Variants in KLHL3 observed in about 807,000 individuals in gnomAD.
KLHL3 encodes kelch like family member 3, also known as kelch-like protein 3.
A neutral mutation model predicts 70.5 loss-of-function variants in KLHL3; 19 were observed. That is an observed-to-expected ratio of 0.27 (90% CI 0.19 to 0.40). KLHL3 has a LOEUF of 0.40. Ranked by LOEUF, KLHL3 falls within the 10% of genes least tolerant of loss-of-function variation. The pLI, the probability that KLHL3 is intolerant of heterozygous loss-of-function variation, is 1.00. For synonymous variants in KLHL3, 258 were observed against 290.3 expected (o/e 0.89, Z 1.13); for missense variants, 512 against 771.1 (o/e 0.66, Z 3.98).
intron 8 of KLHL3, among the ~76,000 whole-genome samples, chr5:137,657,703 T>C (rs914853931): frequency 1.3e-5 from 2 of 152,334 alleles, no homozygotes; most frequent in Non-Finnish European, 2.9e-5. Context: ...TTGTCCTTTA[T>C]GTCCTTCCCT....
At chr5:137,733,672 T>G (rs991418430) in intron 1 of KLHL3, among the ~76,000 whole-genome samples, 1 of 152,154 alleles carries the variant, frequency 6.6e-6, no homozygotes, top group Non-Finnish European at 1.5e-5. Context: ...CCTTGATAGA[T>G]AGATAACTTT....
chr5:137,726,360 C>G (rs1038718706), intron 1 of KLHL3, among the ~76,000 whole-genome samples: 3 of 152,148 alleles, frequency 2.0e-5, no homozygotes, highest in Admixed American at 2.0e-4. Flanking sequence ...AGCCTTACCT[C>G]TCTCACTTAC....
At chr5:137,654,209 A>AT (rs1206455538) in intron 8 of KLHL3, among the ~76,000 whole-genome samples, 1 of 152,210 alleles carries the variant, frequency 6.6e-6, no homozygotes, top group African/African-American at 2.4e-5. Context: ...AACTTATCAC[A>AT]TTGTATCTCT....
intron 4 of KLHL3, among the ~76,000 whole-genome samples, chr5:137,694,690 AG>A (rs1752404531): frequency 6.6e-6 from 1 of 152,204 alleles, no homozygotes; most frequent in African/African-American, 2.4e-5. Context: ...TCAAGGCCAT[AG>A]GTTGACCAAT....
intron 3 of KLHL3, chr5:137,706,466 G>C (rs943606713): frequency 3.9e-6 from 3 of 762,322 alleles, no homozygotes; most frequent in Non-Finnish European, 4.8e-6. Flanking sequence ...AGCATAAGCT[G>C]GTACAACTGT....
Position 137,663,229 on chromosome 5 carries a change from G to T in KLHL3, c.637-1198C>A, listed in dbSNP as rs538285046. Among the ~76,000 whole-genome samples the T allele has an allele frequency of 1.6e-3, 239 of 151,864 alleles. 1 individual carries two copies. The highest frequency in any genetic ancestry group is 3.0e-3 in the Non-Finnish European group (203 of 67,924). On this transcript the variant is annotated intron_variant, in intron 6 of 14. Transcript: ENST00000309755. ...ACACCACTACACCCGGCTAATTTTT[G>T]TATTTTTAGTAGAGACGGGGTTTCA...
intron 4 of KLHL3, among the ~76,000 whole-genome samples, chr5:137,694,851 A>G (rs539045878): frequency 6.6e-6 from 1 of 152,148 alleles, no homozygotes; most frequent in Non-Finnish European, 1.5e-5. Flanking sequence ...AGGGAGAGGA[A>G]GCCATCAAAT....
chr5:137,623,728 T>G (rs1750381090), intron 14 of KLHL3, among the ~76,000 whole-genome samples: 1 of 152,230 alleles, frequency 6.6e-6, no homozygotes, highest in Non-Finnish European at 1.5e-5. Flanking sequence ...GCAGGCATTG[T>G]GCTTAGCTCT....
chr5:137,696,201 G>A (rs1752440677), intron 4 of KLHL3, among the ~76,000 whole-genome samples: 1 of 152,244 alleles, frequency 6.6e-6, no homozygotes, highest in East Asian at 1.9e-4. Context: ...GAATTGCAGG[G>A]AGGCAGGGCC....
chr5:137,617,663 G>C lies in KLHL3; in HGVS notation c.*4435C>G, dbSNP rs1470585163. ...ATATACAGTCCCTAACAGCCACGCA[G>C]AGAACACCAGATCGAGGATCTTACC... On this transcript the variant is annotated 3_prime_UTR_variant, in exon 15 of 15. Transcript: ENST00000309755. 6.6e-6 allele frequency: 1 copy of C among 152,208 alleles called. No homozygotes were observed. Among genetic ancestry groups the C allele is most frequent in the Non-Finnish European group, 1.5e-5 (1 of 68,036 alleles). 9.4% of individuals were successfully genotyped at this position (152,208 alleles called of 1,614,324 possible). A position where few individuals can be genotyped will look rare whatever the true frequency, so the allele number is the denominator to read the frequency against.
chr5:137,639,417 G>A lies in KLHL3; in HGVS notation c.1022-267C>T, dbSNP rs944026611. Reference sequence around the variant, plus strand: ...AGAGCCAAAAACTGTGCAAGTGGCCGGGCATGGTAGCTCACGCCTGTAATT... The same window carrying A: ...AGAGCCAAAAACTGTGCAAGTGGCCAGGCATGGTAGCTCACGCCTGTAATT... On this transcript the variant is annotated intron_variant, in intron 9 of 14. Transcript: ENST00000309755. The surrounding 1 kb of genome is among the most constrained non-coding windows in gnomAD (Gnocchi z 5.0). Among the ~76,000 whole-genome samples, 6 of 152,128 alleles carry A rather than the reference G, an allele frequency of 3.9e-5. No homozygotes were observed. Among genetic ancestry groups the A allele is most frequent in the Admixed American group, 1.3e-4 (2 of 15,276 alleles).
chr5:137,638,623 G>C (rs185266237), intron 10 of KLHL3, among the ~76,000 whole-genome samples: 5 of 152,244 alleles, frequency 3.3e-5, no homozygotes, highest in East Asian at 1.9e-4. Context: ...TCTAGCAAAG[G>C]GTTCAAACTG....
intron 3 of KLHL3, among the ~76,000 whole-genome samples, chr5:137,701,822 C>G (rs1752574608): frequency 6.6e-6 from 1 of 152,174 alleles, no homozygotes; most frequent in Non-Finnish European, 1.5e-5. Flanking sequence ...GTGGTCAACC[C>G]AAGTGCTCTC....
intron 1 of KLHL3, among the ~76,000 whole-genome samples, chr5:137,730,133 T>C (rs1036193760): frequency 2.0e-5 from 3 of 152,186 alleles, no homozygotes; most frequent in African/African-American, 7.2e-5. Flanking sequence ...TCTCTTAAGG[T>C]ACAGACATAA....
At chr5:137,633,742 A>G (rs1234325018) in intron 12 of KLHL3, among the ~76,000 whole-genome samples, 1 of 152,236 alleles carries the variant, frequency 6.6e-6, no homozygotes, top group Non-Finnish European at 1.5e-5. Flanking sequence ...GTTCTCACTT[A>G]TATGTACAGG....
intron 3 of KLHL3, among the ~76,000 whole-genome samples, chr5:137,704,379 A>G (rs2967808): frequency 0.81 from 121,607 of 150,974 alleles, 49,547 homozygotes; most frequent in East Asian, 0.98. Flanking sequence ...GCGACAGAGC[A>G]AGACTCCGTC....
chr5:137,727,814 A>G (rs868747793), intron 1 of KLHL3, among the ~76,000 whole-genome samples: 76 of 152,106 alleles, frequency 5.0e-4, no homozygotes, highest in African/African-American at 1.7e-3. Context: ...CCTCTTACTT[A>G]TCTGTCTGCC....
chr5:137,731,682 G>A (rs898106713), intron 1 of KLHL3, among the ~76,000 whole-genome samples: 3 of 152,164 alleles, frequency 2.0e-5, no homozygotes, highest in African/African-American at 7.2e-5. Flanking sequence ...CCCGGTACAT[G>A]GTGCCCCTCT....
At chr5:137,688,848 G>A (rs1335976834) in intron 5 of KLHL3, among the ~76,000 whole-genome samples, 2 of 152,186 alleles carry the variant, frequency 1.3e-5, no homozygotes, top group Non-Finnish European at 2.9e-5. Flanking sequence ...ATAAACACTA[G>A]CTAAGAATAA....
Sources: gnomAD v4.1 joint callset for allele counts (sites outside exome capture counted in the v4.1 genomes callset) on GRCh38, gnomAD v4.1.1 for gene constraint, Gnocchi (gnomAD v3.1) non-coding constraint, MANE v1.5 for transcripts, NCBI Gene and HGNC (gene_info 2026-07-23, HGNC 2026-07-21) for gene names.